SLC18A1: variants seen among roughly 807,000 people sequenced by gnomAD.
The protein encoded by SLC18A1 is solute carrier family 18 member A1.
Under a neutral mutation model 53.7 loss-of-function variants are expected in SLC18A1, and 69 were observed. That is an observed-to-expected ratio of 1.28 (90% confidence interval 1.06 to 1.57). The LOEUF is 1.57. Ranked by LOEUF, SLC18A1 falls within the 40% of genes most tolerant of loss-of-function variation. The pLI is 0.00. For missense variants in SLC18A1, 932 were observed against 668.1 expected (o/e 1.40, Z -4.35); for synonymous variants, 320 against 248.1 (o/e 1.29, Z -2.72).
At chr8:20,178,119 A>G (rs533943541) in intron 4 of SLC18A1, among the ~76,000 whole-genome samples, 1 of 85,674 alleles carries the variant, frequency 1.2e-5, no homozygotes, top group South Asian at 3.5e-4. Flanking sequence ...ACTGATGCAT[A>G]TAACACACAC....
chr8:20,157,785 G>A (rs1468396735), intron 10 of SLC18A1, among the ~76,000 whole-genome samples: 6 of 152,126 alleles, frequency 3.9e-5, no homozygotes, highest in African/African-American at 1.4e-4. Flanking sequence ...AGATCAGGAG[G>A]AGCAGGTGGA....
At chr8:20,164,742 A>C in intron 10 of SLC18A1, 127 bp downstream of exon 10, 1 of 683,140 alleles carries the variant, frequency 1.5e-6, no homozygotes, top group Non-Finnish European at 2.5e-6. Context: ...GGCTTGATTC[A>C]TGGGTGTGGA....
intron 10 of SLC18A1, among the ~76,000 whole-genome samples, chr8:20,162,146 G>C (rs958066460): frequency 9.9e-5 from 15 of 152,210 alleles, no homozygotes; most frequent in African/African-American, 3.4e-4. Flanking sequence ...GAAACGCAGA[G>C]AGCAGAGTCC....
In SLC18A1 at chr8:20,160,448, A is replaced by G. The variant is rs192302663; in HGVS notation, c.1015+4421T>C. ...TAGGTGCTCCAGAATATGTATTTAT[A>G]GATACATGACCCCTGCATGAAAAAC... On this transcript the variant is annotated intron_variant, in intron 10 of 15. Coordinates refer to ENST00000276373, the MANE Select transcript of SLC18A1 (RefSeq NM_003053.4). 1.2e-4 allele frequency among the ~76,000 whole-genome samples: 18 copies of G among 151,982 alleles called. No individual in the cohort carries two copies. The East Asian group carries it at 1.9e-3, about 16-fold the overall frequency.
intron 15 of SLC18A1, among the ~76,000 whole-genome samples, chr8:20,146,683 A>G (rs60403480): frequency 0.018 from 2,809 of 152,164 alleles, 87 homozygotes; most frequent in African/African-American, 0.062. Context: ...AATTAGCCAG[A>G]CATGGTGGTA....
intron 4 of SLC18A1, chr8:20,175,392 G>C (rs2072230487): frequency 1.3e-5 from 2 of 152,154 alleles, no homozygotes; most frequent in South Asian, 4.1e-4. Context: ...AGTAAAGACA[G>C]GCATAGGAAA....
Position 20,160,304 on chromosome 8 carries a change from AC to A in SLC18A1, c.1015+4564del, listed in dbSNP as rs529811168. Among the ~76,000 whole-genome samples the A allele has an allele frequency of 8.1e-5, 12 of 148,780 alleles. No homozygotes were observed. The South Asian group carries it at 1.5e-3, about 19-fold the overall frequency. ...AGGAAGCCTACAGCCTCCTAGATAC[AC>A]CTCCTTGACATCATTTTAAATGGTG... On this transcript the variant is annotated intron_variant, in intron 10 of 15. Coordinates refer to ENST00000276373, the MANE Select transcript of SLC18A1 (RefSeq NM_003053.4).
chr8:20,154,883 A>C (rs949812045), intron 10 of SLC18A1, among the ~76,000 whole-genome samples: 15 of 151,714 alleles, frequency 9.9e-5, no homozygotes, highest in African/African-American at 3.4e-4. Flanking sequence ...ATTGACTTCC[A>C]CCCCTCCAGA....
chr8:20,150,947 TG>T (rs1451695961), intron 10 of SLC18A1: 1 of 578,308 alleles, frequency 1.7e-6, no homozygotes, highest in Admixed American at 3.0e-5. Context: ...AGCAAGGCTT[TG>T]TTTAGCCTCA....
chr8:20,179,237 G>C lies in SLC18A1; in HGVS notation c.372C>G (p.Asn124Lys), dbSNP rs541705666. The stretch of plus-strand genomic sequence containing the variant: ...CCAAGAAACCTGTGCCTTGCAAGCA[G>C]TTGTTTTTATGAGCTGAGATGGCTT... ...ATEAISAHKN[N>K]CLQGTGFLEE... is the part of the protein sequence containing the mutation. Residue 124 changes from asparagine (N) to lysine (K), a missense_variant, in exon 3 of 16, where the codon AAC (asparagine) becomes AAG (lysine). Physicochemically the swap from Asn to Lys is moderately conservative, Grantham distance 94. Transcript: ENST00000276373. 6.2e-7 allele frequency: 1 copy of C among 1,614,216 alleles called. No homozygotes were observed. The highest frequency in any genetic ancestry group is 8.5e-7 in the Non-Finnish European group (1 of 1,180,052).
At chr8:20,178,910 C>T (rs1456658242) in intron 3 of SLC18A1, among the ~76,000 whole-genome samples, 2 of 152,194 alleles carry the variant, frequency 1.3e-5, no homozygotes, top group African/African-American at 4.8e-5. Flanking sequence ...TCTTGGTACT[C>T]AATACTCAAT....
chr8:20,178,507 G>GAT lies in SLC18A1; in HGVS notation c.489-15_489-14insAT. On this transcript the variant is annotated splice_polypyrimidine_tract_variant and intron_variant, in intron 3 of 15. Transcript: ENST00000276373. Reference sequence around the variant, plus strand: ...TGATATCCAATCCTAAAAGGGAATTGAAAAAAAAAAAGATACAATTCCAAC... The same window carrying GAT: ...TGATATCCAATCCTAAAAGGGAATTGATAAAAAAAAAAAGATACAATTCCAAC... 1 of 1,415,388 alleles carries GAT rather than the reference G, an allele frequency of 7.1e-7. No homozygotes were observed. 87.7% of individuals were successfully genotyped at this position (1,415,388 alleles called of 1,614,324 possible). A position where few individuals can be genotyped will look rare whatever the true frequency, so the allele number is the denominator to read the frequency against.
chr8:20,154,379 A>G (rs1476453735), intron 10 of SLC18A1, among the ~76,000 whole-genome samples: 1 of 152,192 alleles, frequency 6.6e-6, no homozygotes, highest in Non-Finnish European at 1.5e-5. Context: ...CATGGACCAG[A>G]TGTTGACAGC....
intron 15 of SLC18A1, 129 bp from the exon 16 acceptor site, chr8:20,146,005 T>A: frequency 2.2e-6 from 1 of 456,022 alleles, no homozygotes; most frequent in Non-Finnish European, 3.9e-6. Flanking sequence ...AAGCTCCGCC[T>A]CCCGGGTTCA....
chr8:20,155,904 C>T (rs927679263), intron 10 of SLC18A1, among the ~76,000 whole-genome samples: 1 of 152,202 alleles, frequency 6.6e-6, no homozygotes, highest in African/African-American at 2.4e-5. Flanking sequence ...CGTTCCCCAC[C>T]ACCCTTGCAA....
Position 20,147,722 on chromosome 8 carries a change from C to T in SLC18A1, c.1211G>A (p.Gly404Asp), listed in dbSNP as rs1448751724. The change falls in exon 14 of 16, where the codon GGC becomes GAC. Residue 404 changes from glycine (G) to aspartate (D), a missense_variant and splice_region_variant. Transcript: ENST00000276373. ...GPNAGLGLAI[G>D]MVDSSMMPIM... ...GGGCATCATAGAAGAATCCACCATG[C>T]CTGTGGCCAGAGCAAACAGGACACA... The T allele has an allele frequency of 1.9e-6, 3 of 1,612,710 alleles. No homozygotes were observed. The highest frequency in any genetic ancestry group is 3.3e-5 in the Admixed American group (2 of 59,934).
rs558700471 is a variant in SLC18A1, at chr8:20,162,171, G to C, written c.1015+2698C>G. The stretch of plus-strand genomic sequence containing the variant: ...GAGCAGAGTCCCAAGGTGGTCCTGG[G>C]CAGTGAGCCCATGGAGGGTGTCCCA... On this transcript the variant is annotated intron_variant, in intron 10 of 15. Transcript: ENST00000276373. Among the ~76,000 whole-genome samples, 3 of 152,282 alleles carry C rather than the reference G, an allele frequency of 2.0e-5. No individual in the cohort carries two copies. The South Asian group carries it at 6.2e-4, about 32-fold the overall frequency.
intron 8 of SLC18A1, among the ~76,000 whole-genome samples, chr8:20,170,291 C>A (rs1266861601): frequency 6.6e-6 from 1 of 152,038 alleles, no homozygotes; most frequent in African/African-American, 2.4e-5. Flanking sequence ...TGTTCACCCT[C>A]GATTTCATTA....
intron 8 of SLC18A1, among the ~76,000 whole-genome samples, chr8:20,168,842 C>G (rs1251877053): frequency 1.3e-5 from 2 of 152,154 alleles, no homozygotes; most frequent in Non-Finnish European, 2.9e-5. Context: ...CTATTCCTTA[C>G]AGCAAAGTGC....
Sources: allele counts gnomAD v4.1 joint callset (sites outside exome capture counted in the v4.1 genomes callset), GRCh38; gene constraint gnomAD v4.1.1; transcripts MANE v1.5; gene names NCBI Gene and HGNC (gene_info 2026-07-23, HGNC 2026-07-21).